FMN2: variants seen among roughly 807,000 people sequenced by gnomAD.
FMN2 encodes the protein formin 2, also known as formin-2.
A neutral mutation model predicts 142.3 loss-of-function variants in FMN2; 51 were observed. The observed-to-expected ratio is 0.36, with a 90% CI of 0.29 to 0.45. FMN2 has a LOEUF of 0.45. Ranked by LOEUF, FMN2 falls within the 20% of genes least tolerant of loss-of-function variation. FMN2 has a pLI of 1.00. For synonymous variants in FMN2, 882 were observed against 869.8 expected, an observed-to-expected ratio of 1.01 and a Z score of -0.25; for missense variants, 1,936 against 2,122.8, an observed-to-expected ratio of 0.91 and a Z score of 1.73.
chr1:240,338,437 C>A (rs1027645902), intron 13 of FMN2, among the ~76,000 whole-genome samples: 5 of 152,176 alleles, frequency 3.3e-5, no homozygotes, highest in African/African-American at 9.7e-5. Context: ...TTACAGTGGT[C>A]CTTCCCACCT....
chr1:240,357,531 C>A (rs1672311948), intron 14 of FMN2, among the ~76,000 whole-genome samples: 2 of 151,896 alleles, frequency 1.3e-5, no homozygotes, highest in South Asian at 4.2e-4. Flanking sequence ...TCTAGTAGTT[C>A]CCTGGTAGGA....
At chr1:240,128,894 G>A (rs775608634) in intron 2 of FMN2, among the ~76,000 whole-genome samples, 2 of 151,796 alleles carry the variant, frequency 1.3e-5, no homozygotes, top group Non-Finnish European at 2.9e-5. Context: ...TCTTTTTTGA[G>A]ACAGAATCTC....
chr1:240,285,934 T>A (rs1669575692), intron 7 of FMN2, among the ~76,000 whole-genome samples: 1 of 152,104 alleles, frequency 6.6e-6, no homozygotes, highest in African/African-American at 2.4e-5. Flanking sequence ...CTAACATCCC[T>A]TGTAGAGGCT....
chr1:240,393,131 T>C (rs76016696), intron 15 of FMN2, among the ~76,000 whole-genome samples: 3,509 of 151,820 alleles, frequency 0.023, 124 homozygotes, highest in African/African-American at 0.08. Flanking sequence ...CATACCTCAT[T>C]TTATTGCACT....
chr1:240,336,553 CAAAAAAAAAA>C (rs552135436), intron 13 of FMN2, among the ~76,000 whole-genome samples: 31 of 50,526 alleles, frequency 6.1e-4, no homozygotes, highest in East Asian at 6.0e-3. Flanking sequence ...TGGTATTCTC[CAAAAAAAAAA>C]AAAAAAAAAA....
intron 1 of FMN2, among the ~76,000 whole-genome samples, chr1:240,095,031 G>A (rs1301340264): frequency 6.6e-6 from 1 of 151,488 alleles, no homozygotes; most frequent in Non-Finnish European, 1.5e-5. Context: ...TCTTTATTGT[G>A]TAGATTGTTA....
At chr1:240,355,018 T>C (rs763107819) in intron 13 of FMN2, among the ~76,000 whole-genome samples, 57 of 152,208 alleles carry the variant, frequency 3.7e-4, no homozygotes, top group Non-Finnish European at 7.3e-4. Flanking sequence ...TTCTCAATAT[T>C]AACCCAAATG....
chr1:240,392,915 A>G (rs957358920), intron 15 of FMN2, among the ~76,000 whole-genome samples: 2 of 152,208 alleles, frequency 1.3e-5, no homozygotes, highest in African/African-American at 4.8e-5. Flanking sequence ...AGTGAAGTCT[A>G]GGTAGGAAGC....
At chr1:240,188,346 A>C in intron 4 of FMN2, 84 bp downstream of exon 4, 2 of 1,422,570 alleles carry the variant, frequency 1.4e-6, no homozygotes, top group Non-Finnish European at 2.0e-6. Context: ...TTATCTTTCC[A>C]TCTGCCCGGC....
At chr1:240,125,137 T>C (rs1459731312) in intron 2 of FMN2, among the ~76,000 whole-genome samples, 1 of 152,266 alleles carries the variant, frequency 6.6e-6, no homozygotes, top group Non-Finnish European at 1.5e-5. Flanking sequence ...TATATCTGCC[T>C]GTTCACTTTG....
intron 7 of FMN2, among the ~76,000 whole-genome samples, chr1:240,282,423 G>T (rs988552118): frequency 6.6e-6 from 1 of 152,202 alleles, no homozygotes; most frequent in African/African-American, 2.4e-5. Context: ...AATCAGAAGA[G>T]AGTAATAAAA....
At chr1:240,437,537 C>T (rs1334823042) in intron 15 of FMN2, among the ~76,000 whole-genome samples, 8 of 152,096 alleles carry the variant, frequency 5.3e-5, no homozygotes, top group South Asian at 2.1e-4. Flanking sequence ...CTCCTGACCT[C>T]GTGATCCACC....
intron 6 of FMN2, among the ~76,000 whole-genome samples, chr1:240,251,130 T>C (rs1668263853): frequency 6.6e-6 from 1 of 152,090 alleles, no homozygotes; most frequent in Admixed American, 6.5e-5. Flanking sequence ...CTGATTTTGT[T>C]CTTGCTTTTC....
chr1:240,404,410 A>G (rs1674083666), intron 15 of FMN2, among the ~76,000 whole-genome samples: 1 of 152,370 alleles, frequency 6.6e-6, no homozygotes, highest in African/African-American at 2.4e-5. Context: ...CTGGCCGACC[A>G]GGCAGGCTCC....
intron 7 of FMN2, among the ~76,000 whole-genome samples, chr1:240,291,453 A>G (rs1034193854): frequency 2.0e-5 from 3 of 152,212 alleles, no homozygotes; most frequent in Admixed American, 6.5e-5. Flanking sequence ...GGAGGAAATG[A>G]GTGTGAGATA....
intron 8 of FMN2, among the ~76,000 whole-genome samples, chr1:240,298,719 C>A (rs192012124): frequency 1.3e-5 from 2 of 152,212 alleles, no homozygotes; most frequent in African/African-American, 4.8e-5. Flanking sequence ...TGAGGTAGAA[C>A]AATTTCATCA....
At chr1:240,095,456 AC>A (rs747608285) in intron 1 of FMN2, among the ~76,000 whole-genome samples, 9 of 152,142 alleles carry the variant, frequency 5.9e-5, no homozygotes, top group Non-Finnish European at 1.2e-4. Flanking sequence ...ATAGTAGCAC[AC>A]TGTGCTAGGC....
chr1:240,264,992 G>C (rs904981906), intron 7 of FMN2, among the ~76,000 whole-genome samples: 3 of 152,074 alleles, frequency 2.0e-5, no homozygotes, highest in African/African-American at 7.2e-5. Context: ...TATCTCCATA[G>C]GGCCAGAATG....
intron 4 of FMN2, among the ~76,000 whole-genome samples, chr1:240,201,992 G>A (rs1458636160): frequency 6.6e-6 from 1 of 152,212 alleles, no homozygotes; most frequent in Non-Finnish European, 1.5e-5. Flanking sequence ...GTGGACATTT[G>A]AATGTTGTTG....
Sources: allele counts gnomAD v4.1 joint callset (sites outside exome capture counted in the v4.1 genomes callset), GRCh38; gene constraint gnomAD v4.1.1; transcripts MANE v1.5; gene names NCBI Gene and HGNC (gene_info 2026-07-23, HGNC 2026-07-21).